The following HIPK3 variants were observed in gnomAD, a reference collection of about 807,000 sequenced individuals.
The protein encoded by HIPK3 is homeodomain-interacting protein kinase 3.
A neutral mutation model predicts 124.2 loss-of-function variants in HIPK3; 47 were observed. The ratio of observed to expected loss-of-function variants is 0.38; its 90% CI spans 0.30 to 0.48. The LOEUF is 0.48. Ranked by LOEUF, HIPK3 falls within the 20% of genes least tolerant of loss-of-function variation. The pLI, the probability that HIPK3 is intolerant of heterozygous loss-of-function variation, is 0.98. For missense variants in HIPK3, 1,286 were observed against 1,454.3 expected, an observed-to-expected ratio of 0.88 and a Z score of 1.88; for synonymous variants, 482 against 515.2, an observed-to-expected ratio of 0.94 and a Z score of 0.87.
chr11:33,306,465 C>T (rs1287480456), intron 2 of HIPK3, among the ~76,000 whole-genome samples: 3 of 151,588 alleles, frequency 2.0e-5, no homozygotes, highest in Non-Finnish European at 2.9e-5. Flanking sequence ...CTCTAAATTG[C>T]TTTTTTTTAA....
intron 3 of HIPK3, among the ~76,000 whole-genome samples, chr11:33,330,835 C>CT (rs546326147): frequency 1.1e-3 from 159 of 139,524 alleles, no homozygotes; most frequent in African/African-American, 1.8e-3. Flanking sequence ...CTTTCAAGTG[C>CT]TTTTTTTTTT....
At chr11:33,343,085 G>T (rs546470705) in intron 8 of HIPK3, among the ~76,000 whole-genome samples, 1 of 152,272 alleles carries the variant, frequency 6.6e-6, no homozygotes, top group Admixed American at 6.5e-5. Flanking sequence ...TTGGTGCTGA[G>T]TCAGGACACC....
At chr11:33,289,026 C>G (rs549917358) in intron 2 of HIPK3, among the ~76,000 whole-genome samples, 29 of 152,200 alleles carry the variant, frequency 1.9e-4, no homozygotes, top group African/African-American at 7.0e-4. Flanking sequence ...TGCTATAGTG[C>G]CCAGTATAAA....
chr11:33,320,895 TAAAAG>T (rs1359589075), intron 2 of HIPK3, among the ~76,000 whole-genome samples: 1 of 152,108 alleles, frequency 6.6e-6, no homozygotes, highest in Non-Finnish European at 1.5e-5. Context: ...AGTCTGGAGT[TAAAAG>T]AGAGAGGTCT....
chr11:33,321,963 C>G (rs1852675046), intron 2 of HIPK3, among the ~76,000 whole-genome samples: 1 of 152,022 alleles, frequency 6.6e-6, no homozygotes, highest in South Asian at 2.1e-4. Flanking sequence ...TGTTTGTCTT[C>G]CCAGAGCTTT....
At chr11:33,271,104 C>A (rs1305484600) in intron 1 of HIPK3, among the ~76,000 whole-genome samples, 1 of 151,988 alleles carries the variant, frequency 6.6e-6, no homozygotes, top group Non-Finnish European at 1.5e-5. Flanking sequence ...ATGATACTGC[C>A]TTAGTGGTAA....
At chr11:33,261,585 A>G (rs1392940200) in intron 1 of HIPK3, among the ~76,000 whole-genome samples, 5 of 152,210 alleles carry the variant, frequency 3.3e-5, no homozygotes, top group Non-Finnish European at 5.9e-5. Flanking sequence ...CATGGTACAT[A>G]TGTAGCATAT....
At chr11:33,266,081 A>C (rs911474952) in intron 1 of HIPK3, among the ~76,000 whole-genome samples, 1 of 150,616 alleles carries the variant, frequency 6.6e-6, no homozygotes, top group Non-Finnish European at 1.5e-5. Flanking sequence ...AAAAAAGAAA[A>C]CAAACCTATT....
intron 1 of HIPK3, among the ~76,000 whole-genome samples, chr11:33,262,929 T>C (rs1348133039): frequency 2.0e-5 from 3 of 152,226 alleles, no homozygotes; most frequent in African/African-American, 7.2e-5. Flanking sequence ...GAGATCCTTC[T>C]GCCTCAGTCT....
At chr11:33,316,254 G>A (rs1290051455) in intron 2 of HIPK3, among the ~76,000 whole-genome samples, 1 of 152,214 alleles carries the variant, frequency 6.6e-6, no homozygotes, top group Non-Finnish European at 1.5e-5. Context: ...TATTGAAAAA[G>A]CTGCTTTAAC....
intron 2 of HIPK3, among the ~76,000 whole-genome samples, chr11:33,295,284 C>T (rs531715218): frequency 4.0e-5 from 6 of 149,552 alleles, no homozygotes; most frequent in African/African-American, 1.2e-4. Context: ...ACCGCCCCCC[C>T]CCCACAACTC....
At position 33,338,690 on chromosome 11, in the gene HIPK3, T is replaced by A. The variant is rs74824265; in HGVS notation, c.1342-67T>A. 558 of 939,628 alleles carry A rather than the reference T, an allele frequency of 5.9e-4. 1 individual carries two copies. In the African/African-American group the frequency reaches 8.0e-3, roughly 13 times the overall value. The allele number at this position is 939,628 out of a possible 1,614,324, so 58.2% of individuals were successfully genotyped here. On this transcript the variant is annotated intron_variant, in intron 4 of 16. Transcript: ENST00000303296. Reference sequence around the variant, plus strand: ...CCTTAGAATATTTAATATATTAGACTAAATGTGCCAGGATTAAAGAAATTT... The same window carrying A: ...CCTTAGAATATTTAATATATTAGACAAAATGTGCCAGGATTAAAGAAATTT...
At chr11:33,278,699 C>G (rs573583958) in intron 1 of HIPK3, among the ~76,000 whole-genome samples, 5 of 152,012 alleles carry the variant, frequency 3.3e-5, no homozygotes, top group Admixed American at 3.3e-4. Context: ...GAAAAATTAG[C>G]CGGGCGTGGT....
chr11:33,328,725 TG>T, intron 3 of HIPK3, 92 bp downstream of exon 3: 1 of 1,108,412 alleles, frequency 9.0e-7, no homozygotes, highest in South Asian at 1.8e-5. Context: ...TACAATACAC[TG>T]GAAAGTCTTT....
chr11:33,324,262 GT>G (rs1852745909), intron 2 of HIPK3, among the ~76,000 whole-genome samples: 1 of 152,104 alleles, frequency 6.6e-6, no homozygotes. Flanking sequence ...GTATTGTGTT[GT>G]AAACTGGCTG....
intron 2 of HIPK3, among the ~76,000 whole-genome samples, chr11:33,288,176 G>C (rs1289816639): frequency 1.3e-5 from 2 of 152,118 alleles, no homozygotes; most frequent in Non-Finnish European, 2.9e-5. Flanking sequence ...TATACAGCCG[G>C]GTGCAGTGGC....
chr11:33,292,983 C>T (rs559087524), intron 2 of HIPK3, among the ~76,000 whole-genome samples: 24 of 152,204 alleles, frequency 1.6e-4, no homozygotes, highest in African/African-American at 2.4e-4. Context: ...GTGATCCACC[C>T]GCCTCAGCTT....
At chr11:33,261,261 T>C (rs1206972148) in intron 1 of HIPK3, among the ~76,000 whole-genome samples, 4 of 151,016 alleles carry the variant, frequency 2.6e-5, no homozygotes, top group African/African-American at 4.9e-5. Flanking sequence ...AGGTTTGTTA[T>C]ATAGGTAAAC....
intron 1 of HIPK3, among the ~76,000 whole-genome samples, chr11:33,277,747 C>T (rs1851308727): frequency 1.3e-5 from 2 of 152,130 alleles, no homozygotes; most frequent in African/African-American, 4.8e-5. Context: ...TCAGCTTTGC[C>T]CTCAAAAGTG....
Sources: allele counts gnomAD v4.1 joint callset (sites outside exome capture counted in the v4.1 genomes callset), GRCh38; gene constraint gnomAD v4.1.1; transcripts MANE v1.5; gene names NCBI Gene and HGNC (gene_info 2026-07-23, HGNC 2026-07-21).